B3GLCT: variants seen among roughly 807,000 people sequenced by gnomAD.
The protein encoded by B3GLCT is beta-1,3-glucosyltransferase.
B3GLCT carries 65 observed loss-of-function variants against 63.4 expected under a neutral mutation model. The ratio of observed to expected loss-of-function variants is 1.03; its 90% CI spans 0.84 to 1.26. The LOEUF (loss-of-function observed/expected upper bound fraction) is 1.26. Ranked by LOEUF, B3GLCT falls within the 50% of genes most tolerant of loss-of-function variation. B3GLCT has a pLI of 0.00. For missense variants in B3GLCT, 577 were observed against 604.8 expected (o/e 0.95, Z 0.48); for synonymous variants, 233 against 219.2 (o/e 1.06, Z -0.55).
chr13:31,317,448 C>T (rs1354040853), intron 12 of B3GLCT, 118 bp from the exon 13 acceptor site: 1 of 1,236,780 alleles, frequency 8.1e-7, no homozygotes, highest in East Asian at 2.4e-5. Flanking sequence ...AATTTCTTCT[C>T]TTAACTATTT....
chr13:31,211,169 T>C (rs1007758589), intron 1 of B3GLCT, among the ~76,000 whole-genome samples: 2 of 152,032 alleles, frequency 1.3e-5, no homozygotes, highest in African/African-American at 4.8e-5. Flanking sequence ...CCGAGGTGGG[T>C]GGATCACCTG....
intron 10 of B3GLCT, among the ~76,000 whole-genome samples, chr13:31,277,889 C>T (rs1378052548): frequency 6.6e-6 from 1 of 151,974 alleles, no homozygotes. Context: ...GCAACAAGTC[C>T]TAAGATACTG....
intron 12 of B3GLCT, among the ~76,000 whole-genome samples, chr13:31,293,183 T>A (rs1593301957): frequency 1.3e-5 from 2 of 152,354 alleles, no homozygotes. Context: ...TTATGATTTC[T>A]GTTCTTTTAC....
Position 31,247,944 on chromosome 13 carries a change from T to C in B3GLCT, c.437T>C (p.Leu146Pro), listed in dbSNP as rs1871267884. 6.3e-7 allele frequency: 1 copy of C among 1,599,842 alleles called. No homozygotes were observed. Among genetic ancestry groups the C allele is most frequent in the African/African-American group, 1.3e-5 (1 of 74,576 alleles). The change falls in exon 6 of 15, where the codon CTC becomes CCC. Residue 146 changes from leucine (L) to proline (P), a missense_variant. Leu to Pro is a moderately conservative substitution (Grantham distance 98). Coordinates refer to ENST00000343307, the MANE Select transcript of B3GLCT (RefSeq NM_194318.4). ...CAGATTCCAAAACTCTTGGAAACCC[T>C]CAGAAGATATGACCCCTCTAAGGTG... ...RIQIPKLLET[L>P]RRYDPSKEWF...
chr13:31,288,571 G>C (rs1873470589), intron 12 of B3GLCT, among the ~76,000 whole-genome samples: 1 of 152,130 alleles, frequency 6.6e-6, no homozygotes, highest in Non-Finnish European at 1.5e-5. Context: ...CAAGTCCCCA[G>C]CAAAATTTCA....
intron 7 of B3GLCT, among the ~76,000 whole-genome samples, chr13:31,266,384 G>T (rs1010419920): frequency 1.3e-5 from 2 of 152,160 alleles, no homozygotes; most frequent in African/African-American, 4.8e-5. Context: ...TCCAGGAACT[G>T]AATATTTAAT....
At chr13:31,291,126 C>T (rs1318529127) in intron 12 of B3GLCT, among the ~76,000 whole-genome samples, 3 of 152,168 alleles carry the variant, frequency 2.0e-5, no homozygotes. Context: ...TTGTTTTCGT[C>T]AGGTTTGTCA....
intron 2 of B3GLCT, 127 bp downstream of exon 2, chr13:31,215,227 TCAA>T (rs1869499865): frequency 2.9e-6 from 3 of 1,022,414 alleles, no homozygotes; most frequent in Non-Finnish European, 4.4e-6. Context: ...TATAATGTGG[TCAA>T]CATGGATTTT....
At chr13:31,219,593 G>A (rs1869722830) in intron 2 of B3GLCT, among the ~76,000 whole-genome samples, 1 of 152,164 alleles carries the variant, frequency 6.6e-6, no homozygotes, top group Non-Finnish European at 1.5e-5. Flanking sequence ...TCCACCACTA[G>A]CCAGTTGTGG....
Position 31,200,117 on chromosome 13 carries a change from G to A in B3GLCT, c.33G>A (p.Ala11=). The A allele has an allele frequency of 7.3e-7, 1 of 1,375,750 alleles. No individual in the cohort carries two copies. Among genetic ancestry groups the A allele is most frequent in the South Asian group, 1.4e-5 (1 of 71,374 alleles). 85.2% of individuals were successfully genotyped at this position (1,375,750 alleles called of 1,614,324 possible). A position where few individuals can be genotyped will look rare whatever the true frequency, so the allele number is the denominator to read the frequency against. MRPPACWWLL[A]PPALLALLTC... is the part of the protein sequence containing the mutation. ...CGCCCGCCTGCTGGTGGCTGCTCGC[G>A]CCGCCGGCGCTGCTCGCGCTCCTCA... is the stretch of plus-strand genomic sequence containing the variant. Residue 11 remains alanine (A), a synonymous_variant, in exon 1 of 15, where the codon GCG becomes GCA. Transcript: ENST00000343307.
In B3GLCT at chr13:31,323,882, C is replaced by T; in HGVS notation, c.1316C>T (p.Pro439Leu). The T allele has an allele frequency of 1.9e-6, 3 of 1,614,212 alleles. No individual in the cohort carries two copies. The highest frequency in any genetic ancestry group is 2.5e-6 in the Non-Finnish European group (3 of 1,180,022). ...TTGGGAATCCCTGTGACACACAGCC[C>T]TCTCTTCCATCAGGTGAGGAAATGG... is the stretch of plus-strand genomic sequence containing the variant. The part of the protein sequence containing the change: ...SGLGIPVTHS[P>L]LFHQARPVDY... The change falls in exon 14 of 15, where the codon CCT (proline) becomes CTT (leucine). Residue 439 changes from proline to leucine, a missense_variant. Pro to Leu is a moderately conservative substitution (Grantham distance 98, BLOSUM62 -3). Transcript: ENST00000343307.
rs1012721428 is a variant in B3GLCT, at chr13:31,317,569, C to G, written c.1068C>G (p.Ile356Met). Reference sequence around the variant, plus strand: ...TGTGTTCCCTTTGGCATCTCAGTATCTCCAGGCTCCAGCACTTGCTTAGCT... The same window carrying G: ...TGTGTTCCCTTTGGCATCTCAGTATGTCCAGGCTCCAGCACTTGCTTAGCT... ...VIVDDDTLIS[I>M]SRLQHLLSCY... Residue 356 changes from isoleucine (I) to methionine (M), a missense_variant, in exon 13 of 15, where the codon ATC (isoleucine) becomes ATG (methionine). By Grantham distance (10) the Ile-to-Met change is conservative (BLOSUM62 1). Transcript: ENST00000343307. The G allele has an allele frequency of 3.1e-6, 5 of 1,614,026 alleles. No homozygotes were observed. The Middle Eastern group carries it at 8.3e-4, about 266-fold the overall frequency.
chr13:31,238,029 T>C (rs1870744161), intron 4 of B3GLCT, among the ~76,000 whole-genome samples: 2 of 152,198 alleles, frequency 1.3e-5, no homozygotes, highest in Non-Finnish European at 2.9e-5. Flanking sequence ...TATATATTCC[T>C]CCCACAATAC....
intron 4 of B3GLCT, among the ~76,000 whole-genome samples, chr13:31,237,143 G>A (rs923381292): frequency 1.3e-5 from 2 of 149,338 alleles, no homozygotes; most frequent in Non-Finnish European, 3.0e-5. Context: ...AAAAAAGAGA[G>A]ATCCAAGAAC....
chr13:31,207,522 C>G (rs932228098), intron 1 of B3GLCT, among the ~76,000 whole-genome samples: 2 of 151,978 alleles, frequency 1.3e-5, no homozygotes, highest in African/African-American at 4.8e-5. Flanking sequence ...TGATCTTTTC[C>G]CTCTTGAATA....
intron 2 of B3GLCT, among the ~76,000 whole-genome samples, chr13:31,222,182 G>C (rs942224489): frequency 6.6e-6 from 1 of 150,592 alleles, no homozygotes; most frequent in African/African-American, 2.4e-5. Flanking sequence ...GGGTTCAAGC[G>C]ATTGTCCTGC....
intron 1 of B3GLCT, among the ~76,000 whole-genome samples, chr13:31,210,141 T>C (rs548370132): frequency 6.6e-6 from 1 of 152,346 alleles, no homozygotes; most frequent in South Asian, 2.1e-4. Context: ...GCTAACACAT[T>C]TGTTGGCTTG....
chr13:31,267,226 C>T (rs1180167625), intron 7 of B3GLCT, among the ~76,000 whole-genome samples: 11 of 152,200 alleles, frequency 7.2e-5, no homozygotes, highest in Admixed American at 7.2e-4. Context: ...ATGAAGGGGC[C>T]TATGAAACAT....
chr13:31,276,580 G>A lies in B3GLCT; in HGVS notation c.781-122G>A, dbSNP rs140830495. On this transcript the variant is annotated intron_variant, in intron 9 of 14. Transcript: ENST00000343307. ...CATTTCTCCCCTAAAACTTTATGCCGGAAATATGTTTGGTATCCTTGACAT... is the reference window on the plus strand; with the variant it reads ...CATTTCTCCCCTAAAACTTTATGCCAGAAATATGTTTGGTATCCTTGACAT... The A allele has an allele frequency of 2.0e-3, 1,409 of 720,590 alleles. 16 individuals are homozygous for A. In the African/African-American group the frequency reaches 0.021, roughly 11 times the overall value. The allele number at this position is 720,590 out of a possible 1,614,324, so 44.6% of individuals were successfully genotyped here. A position where few individuals can be genotyped will look rare whatever the true frequency, so the allele number is the denominator to read the frequency against.
Sources: allele counts gnomAD v4.1 joint callset (sites outside exome capture counted in the v4.1 genomes callset), GRCh38; gene constraint gnomAD v4.1.1; transcripts MANE v1.5; gene names NCBI Gene and HGNC (gene_info 2026-07-23, HGNC 2026-07-21).